The following PRKAR2A variants were observed in gnomAD, a reference collection of about 807,000 sequenced individuals.
PRKAR2A encodes protein kinase cAMP-dependent type II regulatory subunit alpha, also known as cAMP-dependent protein kinase type II-alpha regulatory subunit.
In PRKAR2A, 29 loss-of-function variants were observed where a neutral mutation model predicts 51.9. The ratio of observed to expected loss-of-function variants is 0.56; its 90% CI spans 0.42 to 0.76. The LOEUF (loss-of-function observed/expected upper bound fraction) is 0.76, where lower values mean the gene tolerates loss of function less well. Ranked by LOEUF, PRKAR2A falls within the 30% of genes least tolerant of loss-of-function variation. The pLI is 0.00. For synonymous variants in PRKAR2A, 178 were observed against 186.2 expected (o/e 0.96, Z 0.36); for missense variants, 445 against 512.1 (o/e 0.87, Z 1.26).
chr3:48,820,477 G>T (rs2082943195), intron 1 of PRKAR2A, among the ~76,000 whole-genome samples: 1 of 152,154 alleles, frequency 6.6e-6, no homozygotes, highest in South Asian at 2.1e-4. Flanking sequence ...CTTGCACATA[G>T]ATGACTACTG....
intron 1 of PRKAR2A, among the ~76,000 whole-genome samples, chr3:48,827,330 A>C (rs571239694): frequency 6.6e-6 from 1 of 151,152 alleles, no homozygotes; most frequent in Non-Finnish European, 1.5e-5. Flanking sequence ...CTTACCACTG[A>C]GTTTAAGATG....
intron 8 of PRKAR2A, among the ~76,000 whole-genome samples, chr3:48,756,988 C>T (rs2081781424): frequency 6.6e-6 from 1 of 152,188 alleles, no homozygotes; most frequent in Non-Finnish European, 1.5e-5. Flanking sequence ...AAAGGGGTGC[C>T]TGTGGGTTTC....
At position 48,847,861 on chromosome 3, in the gene PRKAR2A, G is replaced by A. The variant is rs912364259; in HGVS notation, c.-265C>T. 1.8e-5 allele frequency: 6 copies of A among 330,728 alleles called. No individual in the cohort carries two copies. The East Asian group carries it at 1.9e-4, about 11-fold the overall frequency. The allele number at this position is 330,728 out of a possible 1,614,324, so 20.5% of individuals were successfully genotyped here. On this transcript the variant is annotated 5_prime_UTR_variant, in exon 1 of 11. Coordinates refer to ENST00000265563, the MANE Select transcript of PRKAR2A (RefSeq NM_004157.4). The surrounding 1 kb of genome is among the most constrained non-coding windows in gnomAD (Gnocchi z 4.4). Reference sequence around the variant, plus strand: ...GCAGGCGAGCTGGACGGGCGGGGCAGGCGTCCTGGTTGTGACGCACGCCAC... The same window carrying A: ...GCAGGCGAGCTGGACGGGCGGGGCAAGCGTCCTGGTTGTGACGCACGCCAC...
chr3:48,752,049 G>GT, intron 10 of PRKAR2A, 127 bp downstream of exon 10: 3 of 1,073,150 alleles, frequency 2.8e-6, no homozygotes, highest in Non-Finnish European at 4.0e-6. Context: ...TCCATCTCTG[G>GT]TTGGTCACAT....
chr3:48,794,095 T>C (rs2082447565), intron 2 of PRKAR2A, 46 bp from the exon 3 acceptor site: 5 of 1,432,094 alleles, frequency 3.5e-6, no homozygotes, highest in Non-Finnish European at 3.9e-6. Flanking sequence ...TTAACAGATG[T>C]GTGGCTTTAG....
At chr3:48,812,994 G>A (rs779639472) in intron 1 of PRKAR2A, among the ~76,000 whole-genome samples, 1 of 152,084 alleles carries the variant, frequency 6.6e-6, no homozygotes, top group Non-Finnish European at 1.5e-5. Context: ...AAGAACTAAA[G>A]ATAAGAGGCA....
intron 1 of PRKAR2A, among the ~76,000 whole-genome samples, chr3:48,818,289 A>G (rs1426443132): frequency 6.6e-6 from 1 of 152,256 alleles, no homozygotes; most frequent in African/African-American, 2.4e-5. Flanking sequence ...AATTATTTGT[A>G]CAAGAATTAT....
At chr3:48,752,126 A>G (rs769415608) in intron 10 of PRKAR2A, 50 bp downstream of exon 10, 3 of 1,585,546 alleles carry the variant, frequency 1.9e-6, no homozygotes, top group Non-Finnish European at 2.6e-6. Flanking sequence ...ATGGGAAAAA[A>G]ATATTACATG....
intron 1 of PRKAR2A, among the ~76,000 whole-genome samples, chr3:48,810,800 A>G (rs2082758657): frequency 6.6e-6 from 1 of 152,184 alleles, no homozygotes; most frequent in East Asian, 1.9e-4. Flanking sequence ...CAAATTGCCT[A>G]GAAAAAGAAA....
At chr3:48,830,218 A>T (rs1215269490) in intron 1 of PRKAR2A, among the ~76,000 whole-genome samples, 2 of 151,974 alleles carry the variant, frequency 1.3e-5, no homozygotes, top group Non-Finnish European at 2.9e-5. Flanking sequence ...AAAAAAAAAA[A>T]CTAAGACACA....
rs2081605947 is a variant in PRKAR2A, at chr3:48,749,042, T to C, written c.*2543A>G. ...CTGTCCGTGGCAAAAGCGGAAAGCC[T>C]AGCTTATGTGGATAGTTGAAGGTGA... On this transcript the variant is annotated 3_prime_UTR_variant, in exon 11 of 11. Coordinates refer to ENST00000265563, the MANE Select transcript of PRKAR2A (RefSeq NM_004157.4). The C allele has an allele frequency of 6.6e-6, 1 of 152,224 alleles. No homozygotes were observed. Among genetic ancestry groups the C allele is most frequent in the African/African-American group, 2.4e-5 (1 of 41,454 alleles). 9.4% of individuals were successfully genotyped at this position (152,224 alleles called of 1,614,324 possible).
chr3:48,781,269 A>G (rs897278681), intron 5 of PRKAR2A, among the ~76,000 whole-genome samples: 1 of 150,734 alleles, frequency 6.6e-6, no homozygotes, highest in Non-Finnish European at 1.5e-5. Context: ...TACAGGTGTG[A>G]GCCACCACGC....
At chr3:48,799,580 A>T (rs1474579793) in intron 2 of PRKAR2A, among the ~76,000 whole-genome samples, 1 of 152,248 alleles carries the variant, frequency 6.6e-6, no homozygotes, top group Non-Finnish European at 1.5e-5. Context: ...ATGAAAGAAT[A>T]TAAGGACAAA....
In PRKAR2A at chr3:48,782,976, C is replaced by T; in HGVS notation, c.542+10G>A. ...GTGTGGCCACACAATTTCAAAGCTC[C>T]ATCTCCTACCGTTCTATGACATAAA... On this transcript the variant is annotated intron_variant, in intron 5 of 10. Coordinates refer to ENST00000265563, the MANE Select transcript of PRKAR2A (RefSeq NM_004157.4). The T allele has an allele frequency of 6.4e-7, 1 of 1,564,256 alleles. No individual in the cohort carries two copies. The highest frequency in any genetic ancestry group is 8.8e-7 in the Non-Finnish European group (1 of 1,134,880).
rs72931123 is a variant in PRKAR2A at position 48,764,188 on chromosome 3, A to C, written c.873+816T>G. On this transcript the variant is annotated intron_variant, in intron 8 of 10. Coordinates refer to ENST00000265563, the MANE Select transcript of PRKAR2A (RefSeq NM_004157.4). ...GATAAGCTTATACCTGGAAAAGTCC[A>C]ATACTATTTATGTTTAATTAAAAAT... Among the ~76,000 whole-genome samples, 903 of 152,318 alleles carry C rather than the reference A, an allele frequency of 5.9e-3. 13 individuals carry two copies. Among genetic ancestry groups the C allele is most frequent in the African/African-American group, 0.021 (856 of 41,570 alleles).
intron 1 of PRKAR2A, among the ~76,000 whole-genome samples, chr3:48,819,839 C>T (rs2082933329): frequency 6.6e-6 from 1 of 152,218 alleles, no homozygotes; most frequent in Non-Finnish European, 1.5e-5. Context: ...AGCCATACCA[C>T]TGTGTCAACC....
chr3:48,775,616 G>A (rs1250748781), intron 5 of PRKAR2A, among the ~76,000 whole-genome samples: 3 of 151,062 alleles, frequency 2.0e-5, no homozygotes, highest in Non-Finnish European at 4.4e-5. Context: ...TATAGCAAAC[G>A]CCTTAAAAAG....
intron 5 of PRKAR2A, among the ~76,000 whole-genome samples, chr3:48,774,032 T>C (rs375800415): frequency 1.4e-4 from 22 of 151,984 alleles, no homozygotes; most frequent in East Asian, 9.7e-4. Flanking sequence ...GGGGTCTCAC[T>C]ATGTTGCCCA....
chr3:48,771,626 C>A (rs531091737), intron 6 of PRKAR2A, among the ~76,000 whole-genome samples: 1 of 152,036 alleles, frequency 6.6e-6, no homozygotes, highest in Admixed American at 6.6e-5. Context: ...TCTCACTATG[C>A]TGCCCAGGTA....
Sources: gnomAD v4.1 joint callset for allele counts (sites outside exome capture counted in the v4.1 genomes callset) on GRCh38, gnomAD v4.1.1 for gene constraint, Gnocchi (gnomAD v3.1) non-coding constraint, MANE v1.5 for transcripts, NCBI Gene and HGNC (gene_info 2026-07-23, HGNC 2026-07-21) for gene names.